Variants in GABRB1 observed in about 807,000 individuals in gnomAD.
GABRB1 encodes the protein gamma-aminobutyric acid receptor subunit beta-1.
In GABRB1, 17 loss-of-function variants were observed where a neutral mutation model predicts 51.6. The ratio of observed to expected loss-of-function variants is 0.33; its 90% CI spans 0.23 to 0.49. The LOEUF is 0.49. Among genes scored for constraint, GABRB1 ranks in the 20% least tolerant of loss-of-function variants. The pLI is 0.99. For missense variants in GABRB1, 410 were observed against 600.6 expected (o/e 0.68, Z 3.32); for synonymous variants, 247 against 218.9 (o/e 1.13, Z -1.14).
chr4:47,005,923 C>T (rs1724384281), intron 1 of GABRB1, among the ~76,000 whole-genome samples: 1 of 148,738 alleles, frequency 6.7e-6, no homozygotes, highest in Non-Finnish European at 1.5e-5. Flanking sequence ...TCCCTTCTTT[C>T]ATTTCTTCCT....
chr4:47,358,417 A>G (rs1462366898), intron 5 of GABRB1, among the ~76,000 whole-genome samples: 1 of 151,502 alleles, frequency 6.6e-6, no homozygotes, highest in African/African-American at 2.4e-5. Flanking sequence ...AGAGAGAGAG[A>G]GTGAGAGAGA....
chr4:47,377,043 T>TA (rs11299443), intron 5 of GABRB1, among the ~76,000 whole-genome samples: 100 of 151,706 alleles, frequency 6.6e-4, no homozygotes, highest in Non-Finnish European at 1.2e-3. Flanking sequence ...TCTTTCAGGA[T>TA]AAAAAAAAAG....
chr4:47,421,482 T>C (rs545388467), intron 8 of GABRB1, among the ~76,000 whole-genome samples: 2 of 152,202 alleles, frequency 1.3e-5, no homozygotes, highest in East Asian at 3.9e-4. Flanking sequence ...TGCTATGTCC[T>C]CCACCTGGAA....
chr4:47,198,644 C>G (rs1318184624), intron 4 of GABRB1, among the ~76,000 whole-genome samples: 1 of 152,122 alleles, frequency 6.6e-6, no homozygotes, highest in Non-Finnish European at 1.5e-5. Context: ...AGAAAACTTA[C>G]CTGAATTGTA....
intron 5 of GABRB1, among the ~76,000 whole-genome samples, chr4:47,375,772 T>C (rs1329491316): frequency 1.3e-5 from 2 of 152,194 alleles, no homozygotes; most frequent in African/African-American, 4.8e-5. Context: ...GGGTCTCCCA[T>C]TATCCTCTAT....
chr4:47,212,154 A>G (rs1252284086), intron 4 of GABRB1, among the ~76,000 whole-genome samples: 5 of 152,184 alleles, frequency 3.3e-5, no homozygotes. Flanking sequence ...TGGACTTTTA[A>G]TATAAAGCAA....
At chr4:47,279,586 C>A (rs1723201946) in intron 4 of GABRB1, among the ~76,000 whole-genome samples, 1 of 152,034 alleles carries the variant, frequency 6.6e-6, no homozygotes, top group African/African-American at 2.4e-5. Flanking sequence ...TATTTAGGTG[C>A]TGTAATGGGG....
At position 47,295,418 on chromosome 4, in the gene GABRB1, C is replaced by A. The variant is rs74649756; in HGVS notation, c.462-24709C>A. Among the ~76,000 whole-genome samples the A allele has an allele frequency of 9.2e-5, 14 of 152,238 alleles. 2 individuals carry two copies. Among genetic ancestry groups the A allele is most frequent in the African/African-American group, 3.4e-4 (14 of 41,524 alleles). ...CAATACAGAGAAGTGCTTAAAGGAGCTGATGGAGCTGAAAGCCAAGGCTCG... is the reference window on the plus strand; with the variant it reads ...CAATACAGAGAAGTGCTTAAAGGAGATGATGGAGCTGAAAGCCAAGGCTCG... On this transcript the variant is annotated intron_variant, in intron 4 of 8. Coordinates refer to ENST00000295454, the MANE Select transcript of GABRB1 (RefSeq NM_000812.4).
chr4:47,295,112 C>A (rs935319063), intron 4 of GABRB1, among the ~76,000 whole-genome samples: 31 of 152,290 alleles, frequency 2.0e-4, no homozygotes, highest in Admixed American at 1.4e-3. Context: ...ATCTGTACAT[C>A]ACCATCGTCA....
intron 1 of GABRB1, among the ~76,000 whole-genome samples, chr4:46,997,665 T>C (rs1366267829): frequency 6.6e-6 from 1 of 152,114 alleles, no homozygotes; most frequent in East Asian, 1.9e-4. Flanking sequence ...TTCATCCATG[T>C]TGTTGCAAAT....
intron 3 of GABRB1, among the ~76,000 whole-genome samples, chr4:47,056,110 G>C (rs1405370606): frequency 6.6e-6 from 1 of 152,080 alleles, no homozygotes; most frequent in Non-Finnish European, 1.5e-5. Flanking sequence ...GACTCAGGCT[G>C]GGAAAAAATT....
intron 3 of GABRB1, among the ~76,000 whole-genome samples, chr4:47,140,058 C>G (rs893178788): frequency 1.3e-5 from 2 of 149,730 alleles, no homozygotes; most frequent in African/African-American, 4.9e-5. Context: ...TGGAAGAAGA[C>G]AGCAGGTTAA....
chr4:47,022,189 A>C (rs1237686707), intron 1 of GABRB1, among the ~76,000 whole-genome samples: 2 of 152,060 alleles, frequency 1.3e-5, no homozygotes, highest in Non-Finnish European at 2.9e-5. Context: ...TTGTGTGTTA[A>C]TTACTTCTTT....
upstream of GABRB1, among the ~76,000 whole-genome samples, chr4:47,030,467 C>T (rs1464948981): frequency 6.6e-6 from 1 of 152,148 alleles, no homozygotes; most frequent in Admixed American, 6.5e-5. Context: ...GTAGGGATTA[C>T]AATTCGCTTT....
chr4:47,285,121 T>G lies in GABRB1; in HGVS notation c.462-35006T>G, dbSNP rs531242101. 2.0e-5 allele frequency among the ~76,000 whole-genome samples: 3 copies of G among 152,282 alleles called. No homozygotes were observed. The South Asian group carries it at 6.2e-4, about 32-fold the overall frequency. ...ATAAAGGAAGCCTAGTGATAAAAAA[T>G]TGAAATTGCAGAAATGAATGACGTA... On this transcript the variant is annotated intron_variant, in intron 4 of 8. Coordinates refer to ENST00000295454, the MANE Select transcript of GABRB1 (RefSeq NM_000812.4).
chr4:47,054,008 A>T (rs907418087), intron 3 of GABRB1, among the ~76,000 whole-genome samples: 3 of 152,138 alleles, frequency 2.0e-5, no homozygotes, highest in African/African-American at 7.2e-5. Context: ...CTATCCTTTA[A>T]TAATTTCTTT....
chr4:47,150,381 G>C lies in GABRB1; in HGVS notation c.241-10868G>C, dbSNP rs565582331. Among the ~76,000 whole-genome samples the C allele has an allele frequency of 3.7e-3, 551 of 147,058 alleles. 1 individual carries two copies. Among genetic ancestry groups the C allele is most frequent in the Non-Finnish European group, 5.8e-3 (382 of 66,364 alleles). On this transcript the variant is annotated intron_variant, in intron 3 of 8. Coordinates refer to ENST00000295454, the MANE Select transcript of GABRB1 (RefSeq NM_000812.4). ...ACACACACGCACATACACACACACA[G>C]AGAGAGAGAGAGATGTAGAAGAGAT... is the stretch of plus-strand genomic sequence containing the variant.
intron 1 of GABRB1, among the ~76,000 whole-genome samples, chr4:47,023,262 G>C (rs1724979305): frequency 3.3e-5 from 5 of 151,938 alleles, no homozygotes; most frequent in Admixed American, 2.6e-4. Context: ...CTATTTGATA[G>C]CAGAATAAGG....
chr4:47,402,255 G>C (rs902159699), intron 5 of GABRB1, among the ~76,000 whole-genome samples: 35 of 152,240 alleles, frequency 2.3e-4, no homozygotes, highest in African/African-American at 8.4e-4. Context: ...TCTTGAAAAG[G>C]TATTACTGGC....
Sources: gnomAD v4.1 joint callset for allele counts (sites outside exome capture counted in the v4.1 genomes callset) on GRCh38, gnomAD v4.1.1 for gene constraint, MANE v1.5 for transcripts, NCBI Gene and HGNC (gene_info 2026-07-23, HGNC 2026-07-21) for gene names.